Variants in WASF3 observed in about 807,000 individuals in gnomAD.
WASF3 encodes the protein WASP family member 3, also known as actin-binding protein WASF3.
In WASF3, 11 loss-of-function variants were observed where a neutral mutation model predicts 46.6. The ratio of observed to expected loss-of-function variants is 0.24; its 90% confidence interval spans 0.15 to 0.39. The LOEUF is 0.39. WASF3 is among the 10% of genes least tolerant of loss of function. WASF3 has a pLI of 1.00. For missense variants in WASF3, 576 were observed against 669.8 expected, an observed-to-expected ratio of 0.86 and a Z score of 1.55; for synonymous variants, 242 against 259.7, an observed-to-expected ratio of 0.93 and a Z score of 0.65.
upstream of WASF3, among the ~76,000 whole-genome samples, chr13:26,553,458 T>C (rs1432156787): frequency 6.6e-6 from 1 of 151,960 alleles, no homozygotes; most frequent in African/African-American, 2.4e-5. Flanking sequence ...TTTGGAGATA[T>C]ATGCTGAAGT....
chr13:26,597,442 T>A (rs562781435), intron 1 of WASF3, among the ~76,000 whole-genome samples: 24 of 152,044 alleles, frequency 1.6e-4, no homozygotes, highest in Non-Finnish European at 2.9e-5. Context: ...GCCCCTTGAT[T>A]TTTTGTTGTT....
At chr13:26,556,527 T>C (rs186422460), upstream of WASF3, among the ~76,000 whole-genome samples, 2 of 152,336 alleles carry the variant, frequency 1.3e-5, no homozygotes, top group Non-Finnish European at 2.9e-5. Flanking sequence ...GATGGCACTT[T>C]ATGGAAACTG....
At chr13:26,546,906 A>G in the WASF3 span, among the ~76,000 whole-genome samples, 2 of 152,018 alleles carry the variant, frequency 1.3e-5, no homozygotes, top group Non-Finnish European at 2.9e-5. Flanking sequence ...ACCTTCAGCC[A>G]CCCTTACCCT....
chr13:26,642,987 G>A (rs1882045001), intron 3 of WASF3, among the ~76,000 whole-genome samples: 1 of 152,124 alleles, frequency 6.6e-6, no homozygotes, highest in African/African-American at 2.4e-5. Context: ...ATGGTACCAC[G>A]TATATATTGG....
chr13:26,653,011 C>A (rs1026846190), intron 3 of WASF3, among the ~76,000 whole-genome samples: 1 of 152,144 alleles, frequency 6.6e-6, no homozygotes, highest in African/African-American at 2.4e-5. Flanking sequence ...CTCGCACCTC[C>A]CCACTCTGCT....
At chr13:26,623,787 T>G (rs1881383184) in intron 2 of WASF3, among the ~76,000 whole-genome samples, 1 of 152,128 alleles carries the variant, frequency 6.6e-6, no homozygotes, top group South Asian at 2.1e-4. Context: ...AGAGCAAGAA[T>G]GTAAAGAGGA....
At chr13:26,662,884 CACAT>C (rs557179405) in intron 3 of WASF3, among the ~76,000 whole-genome samples, 3,022 of 152,154 alleles carry the variant, frequency 0.02, 68 homozygotes, top group South Asian at 0.095. Context: ...CATACACATA[CACAT>C]ACACATACAC....
intron 3 of WASF3, among the ~76,000 whole-genome samples, chr13:26,659,411 C>T (rs752289012): frequency 3.9e-5 from 6 of 152,098 alleles, no homozygotes; most frequent in Non-Finnish European, 7.4e-5. Context: ...GGAGCTAGGT[C>T]GTGTAGGAGC....
chr13:26,551,384 C>T, the WASF3 span, among the ~76,000 whole-genome samples: 3 of 152,136 alleles, frequency 2.0e-5, no homozygotes, highest in South Asian at 2.1e-4. Context: ...AAGTCTGATG[C>T]CTTGGAGCCC....
chr13:26,543,684 C>T, the WASF3 span, among the ~76,000 whole-genome samples: 2 of 152,070 alleles, frequency 1.3e-5, no homozygotes, highest in Non-Finnish European at 2.9e-5. Flanking sequence ...ATTCTCATGG[C>T]CACGTGTCTG....
At chr13:26,631,761 G>T (rs1469929061) in intron 2 of WASF3, among the ~76,000 whole-genome samples, 3 of 152,152 alleles carry the variant, frequency 2.0e-5, no homozygotes, top group African/African-American at 7.2e-5. Context: ...ATTACCTTGG[G>T]CAGTATGGCC....
At position 26,625,256 on chromosome 13, in the gene WASF3, T is replaced by C. The variant is rs73168017; in HGVS notation, c.-11+12198T>C. Among the ~76,000 whole-genome samples the C allele has an allele frequency of 5.4e-3, 828 of 152,096 alleles. 3 individuals are homozygous for C. The highest frequency in any genetic ancestry group is 0.014 in the Middle Eastern group (4 of 294). On this transcript the variant is annotated intron_variant, in intron 2 of 9. Coordinates refer to ENST00000335327, the MANE Select transcript of WASF3 (RefSeq NM_006646.6). ...GGGGTCTCCAGAGAAATAGAACATA[T>C]AGGATATATAGATTTATGAGGAGAT...
At chr13:26,588,980 G>A (rs1353573348) in intron 1 of WASF3, among the ~76,000 whole-genome samples, 1 of 151,844 alleles carries the variant, frequency 6.6e-6, no homozygotes, top group East Asian at 1.9e-4. Context: ...TTTTGGTAGA[G>A]ATGGCGTTTC....
intron 2 of WASF3, among the ~76,000 whole-genome samples, chr13:26,637,854 C>T (rs1026235967): frequency 6.6e-6 from 1 of 152,234 alleles, no homozygotes; most frequent in Non-Finnish European, 1.5e-5. Flanking sequence ...CCCCATCTCA[C>T]CACCTGCTTT....
chr13:26,670,883 G>A (rs1882909069), intron 5 of WASF3, among the ~76,000 whole-genome samples: 1 of 152,178 alleles, frequency 6.6e-6, no homozygotes, highest in South Asian at 2.1e-4. Flanking sequence ...TTGATGGTAA[G>A]ACACTTAACA....
intron 1 of WASF3, among the ~76,000 whole-genome samples, chr13:26,580,895 G>A (rs1164776748): frequency 6.6e-6 from 1 of 150,868 alleles, no homozygotes; most frequent in Non-Finnish European, 1.5e-5. Flanking sequence ...AAAGTGTTGG[G>A]ATTACAGGCG....
chr13:26,582,122 A>G (rs990866678), intron 1 of WASF3, among the ~76,000 whole-genome samples: 1 of 152,182 alleles, frequency 6.6e-6, no homozygotes, highest in Non-Finnish European at 1.5e-5. Context: ...CTTCCAATAA[A>G]TGTTATCTTG....
Position 26,637,515 on chromosome 13 carries a change from G to A in WASF3, c.-10-4746G>A, listed in dbSNP as rs528771535. Among the ~76,000 whole-genome samples the A allele has an allele frequency of 1.6e-4, 25 of 152,298 alleles. No homozygotes were observed. In the East Asian group the frequency reaches 2.3e-3, roughly 14 times the overall value. On this transcript the variant is annotated intron_variant, in intron 2 of 9. Coordinates refer to ENST00000335327, the MANE Select transcript of WASF3 (RefSeq NM_006646.6). ...CTGCCCATCCAATTCAGATGGTGGC[G>A]AAGACTGCTTTGTACCCACTAGGAA...
intron 1 of WASF3, among the ~76,000 whole-genome samples, chr13:26,591,172 A>G (rs1566044084): frequency 6.6e-6 from 1 of 151,006 alleles, no homozygotes; most frequent in Non-Finnish European, 1.5e-5. Context: ...AGAGATGAGG[A>G]CAGAGTGGTT....
Sources: gnomAD v4.1 joint callset for allele counts (sites outside exome capture counted in the v4.1 genomes callset) on GRCh38, gnomAD v4.1.1 for gene constraint, MANE v1.5 for transcripts, NCBI Gene and HGNC (gene_info 2026-07-23, HGNC 2026-07-21) for gene names.